Variants in IMMT observed in about 807,000 individuals in gnomAD.
IMMT encodes the protein inner membrane mitochondrial protein.
In IMMT, 40 loss-of-function variants were observed where a neutral mutation model predicts 92.7. The ratio of observed to expected loss-of-function variants is 0.43; its 90% CI spans 0.34 to 0.56. The LOEUF (loss-of-function observed/expected upper bound fraction) is 0.56, where lower values mean the gene tolerates loss of function less well. Among genes scored for constraint, IMMT ranks in the 20% least tolerant of loss-of-function variants. The pLI is 0.03. For missense variants in IMMT, 831 were observed against 912.1 expected, an observed-to-expected ratio of 0.91 and a Z score of 1.14; for synonymous variants, 322 against 336.1, an observed-to-expected ratio of 0.96 and a Z score of 0.46.
chr2:86,179,927 C>CA (rs3835958), intron 2 of IMMT, among the ~76,000 whole-genome samples: 89,980 of 151,552 alleles, frequency 0.59, 27,041 homozygotes, highest in African/African-American at 0.68. Context: ...CACACCCTGC[C>CA]AAAAAAATTA....
chr2:86,150,920 AT>A (rs35901635), intron 12 of IMMT, among the ~76,000 whole-genome samples: 1,927 of 145,436 alleles, frequency 0.013, 37 homozygotes, highest in African/African-American at 0.039. Flanking sequence ...GACTGTCAGT[AT>A]TTTTTTTTTT....
chr2:86,195,220 G>T (rs1180677462), intron 1 of IMMT, 118 bp downstream of exon 1: 50 of 1,124,036 alleles, frequency 4.4e-5, no homozygotes, highest in Non-Finnish European at 5.3e-5. Context: ...CTCCCGACGA[G>T]GGTGGCCCTG....
intron 1 of IMMT, chr2:86,194,919 C>A (rs775348406): frequency 5.7e-4 from 113 of 197,278 alleles, no homozygotes; most frequent in Admixed American, 9.3e-4. Flanking sequence ...GAAGTCCAGG[C>A]ACCTCCTTAT....
At chr2:86,179,765 T>C (rs1016906258) in intron 2 of IMMT, 143 bp from the exon 3 acceptor site, 1 of 581,292 alleles carries the variant, frequency 1.7e-6, no homozygotes, top group Non-Finnish European at 2.9e-6. Context: ...TTTACCACCA[T>C]GTCTGCACAT....
intron 1 of IMMT, among the ~76,000 whole-genome samples, chr2:86,185,383 A>G (rs1213528132): frequency 6.6e-6 from 1 of 152,196 alleles, no homozygotes; most frequent in Non-Finnish European, 1.5e-5. Flanking sequence ...AGATTCTCAA[A>G]TAGAGAAGGG....
intron 10 of IMMT, among the ~76,000 whole-genome samples, chr2:86,157,281 G>T (rs1239575937): frequency 6.6e-6 from 1 of 152,144 alleles, no homozygotes; most frequent in African/African-American, 2.4e-5. Context: ...AGAGCTCAAT[G>T]TCTGAGTTAT....
At chr2:86,162,773 G>A (rs561850444) in intron 7 of IMMT, among the ~76,000 whole-genome samples, 5 of 152,240 alleles carry the variant, frequency 3.3e-5, no homozygotes, top group Non-Finnish European at 7.4e-5. Context: ...GAATACAGGA[G>A]GCGGAGGTTG....
chr2:86,144,758 ACTG>A lies in IMMT; in HGVS notation c.1784_1786del (p.Ala595del). 1 of 1,613,828 alleles carries A rather than the reference ACTG, an allele frequency of 6.2e-7. No individual in the cohort carries two copies. On this transcript the variant is annotated inframe_deletion, in exon 15 of 15. Transcript: ENST00000410111. ...AGAACAGTTGGCTTTGATGGCCTCA[ACTG>A]CACTACCCAGCGGGATAGTAGGTGT...
intron 1 of IMMT, among the ~76,000 whole-genome samples, chr2:86,189,742 G>A (rs1673002218): frequency 6.6e-6 from 1 of 152,110 alleles, no homozygotes; most frequent in Non-Finnish European, 1.5e-5. Context: ...TTAATGGGCA[G>A]TTCTACATTT....
chr2:86,151,341 A>C lies in IMMT; in HGVS notation c.1357T>G (p.Leu453Val). 2.5e-6 allele frequency: 4 copies of C among 1,613,900 alleles called. No individual in the cohort carries two copies. Among genetic ancestry groups the C allele is most frequent in the Non-Finnish European group, 3.4e-6 (4 of 1,179,868 alleles). ...TGTATTTCACTTCTGTGATGTTCTA[A>C]TGCTTTTGCTACTGCAGAGTCAAAT... ...RAFDSAVAKA[L>V]EHHRSEIQAE... is the part of the protein sequence containing the mutation. The change falls in exon 12 of 15, where the codon TTA becomes GTA. Residue 453 changes from leucine (L) to valine (V), a missense_variant. Physicochemically the swap from Leu to Val is conservative, Grantham distance 32 (BLOSUM62 1). Coordinates refer to ENST00000410111, the MANE Select transcript of IMMT (RefSeq NM_006839.3).
At chr2:86,167,484 G>GTTTTTTTTTTTTTTT (rs66768832) in intron 6 of IMMT, among the ~76,000 whole-genome samples, 1 of 123,168 alleles carries the variant, frequency 8.1e-6, no homozygotes, top group African/African-American at 3.3e-5. Flanking sequence ...TTTGTTTTTT[G>GTTTTTTTTTTTTTTT]TTTTTTTTTT....
intron 1 of IMMT, among the ~76,000 whole-genome samples, chr2:86,183,777 G>A (rs112378703): frequency 5.7e-4 from 87 of 151,960 alleles, no homozygotes; most frequent in Non-Finnish European, 7.6e-4. Context: ...TAATATACAC[G>A]CAATTCTCTA....
At position 86,162,330 on chromosome 2, in the gene IMMT, TAAGGAGAG is replaced by T. The variant is rs1260579532; in HGVS notation, c.793-259_793-252del. ...ACTGCCCAGCCATATAAGCATTTTC[TAAGGAGAG>T]TTGTTTTTTTTTTTTTTTAAGATTC... On this transcript the variant is annotated intron_variant, in intron 7 of 14. Coordinates refer to ENST00000410111, the MANE Select transcript of IMMT (RefSeq NM_006839.3). Among the ~76,000 whole-genome samples, 465 of 142,052 alleles carry T rather than the reference TAAGGAGAG, an allele frequency of 3.3e-3. 2 individuals are homozygous for T. The highest frequency in any genetic ancestry group is 0.011 in the African/African-American group (429 of 37,762). The allele number at this position is 142,052 out of a possible 152,430, so 93.2% of individuals were successfully genotyped here.
At chr2:86,166,382 G>T in intron 7 of IMMT, 126 bp downstream of exon 7, 1 of 769,726 alleles carries the variant, frequency 1.3e-6, no homozygotes, top group East Asian at 2.7e-5. Context: ...CCCCTAGTGA[G>T]AGAAAGCCGA....
chr2:86,162,078 A>G lies in IMMT; in HGVS notation c.794T>C (p.Ile265Thr), dbSNP rs1676320179. The G allele has an allele frequency of 1.9e-6, 3 of 1,560,770 alleles. No homozygotes were observed. Among genetic ancestry groups the G allele is most frequent in the South Asian group, 2.5e-5 (2 of 81,492 alleles). The change falls in exon 8 of 15, where the codon ATT (isoleucine) becomes ACT (threonine). Residue 265 changes from isoleucine (I) to threonine (T), a missense_variant and splice_region_variant. Transcript: ENST00000410111. Reference sequence around the variant, plus strand: ...CTGAGCAGATTTCTTCTCGCCTGCAATCTAAACAAAAAATTTTAATTATAT... The same window carrying G: ...CTGAGCAGATTTCTTCTCGCCTGCAGTCTAAACAAAAAATTTTAATTATAT... ...ILKAAMDNSE[I>T]AGEKKSAQWR...
intron 13 of IMMT, 148 bp downstream of exon 13, chr2:86,147,554 G>GTGTTT: frequency 1.6e-6 from 1 of 626,912 alleles, no homozygotes. Context: ...GAACACACAG[G>GTGTTT]TACACCATTA....
chr2:86,194,559 T>C (rs1172391338), intron 1 of IMMT, among the ~76,000 whole-genome samples: 1 of 152,236 alleles, frequency 6.6e-6, no homozygotes, highest in Non-Finnish European at 1.5e-5. Flanking sequence ...TTTGCCAAAA[T>C]ATCAACTTCC....
chr2:86,182,757 A>G (rs1672516607), intron 1 of IMMT, among the ~76,000 whole-genome samples: 1 of 117,202 alleles, frequency 8.5e-6, no homozygotes, highest in Non-Finnish European at 2.0e-5. Flanking sequence ...AGGCATGAGA[A>G]TCACTTGAGC....
intron 10 of IMMT, among the ~76,000 whole-genome samples, chr2:86,157,375 G>A (rs1675924973): frequency 6.6e-6 from 1 of 152,154 alleles, no homozygotes; most frequent in Non-Finnish European, 1.5e-5. Context: ...CCCTGCACTG[G>A]TATTTATTAC....
Sources: allele counts gnomAD v4.1 joint callset (sites outside exome capture counted in the v4.1 genomes callset), GRCh38; gene constraint gnomAD v4.1.1; transcripts MANE v1.5; gene names NCBI Gene and HGNC (gene_info 2026-07-23, HGNC 2026-07-21).